Variants in PHGDH observed in about 807,000 individuals in gnomAD.
PHGDH encodes the protein D-3-phosphoglycerate dehydrogenase.
PHGDH carries 50 observed loss-of-function variants against 52.6 expected under a neutral mutation model. The ratio of observed to expected loss-of-function variants is 0.95; its 90% CI spans 0.76 to 1.20. The LOEUF is 1.20. PHGDH is among the 50% of genes most tolerant of loss of function. The probability of loss-of-function intolerance (pLI) is 0.00; values close to 1 mark genes in which losing one functional copy is unlikely to be tolerated. For synonymous variants in PHGDH, 271 were observed against 280.5 expected, an observed-to-expected ratio of 0.97 and a Z score of 0.34; for missense variants, 630 against 684.6, an observed-to-expected ratio of 0.92 and a Z score of 0.89.
At chr1:119,725,562 C>G (rs1019287155) in intron 3 of PHGDH, among the ~76,000 whole-genome samples, 1 of 152,200 alleles carries the variant, frequency 6.6e-6, no homozygotes, top group Non-Finnish European at 1.5e-5. Flanking sequence ...CCCCATGTGG[C>G]TTGGTACTGA....
intron 5 of PHGDH, chr1:119,729,866 T>C (rs1271704061): frequency 6.6e-6 from 1 of 152,186 alleles, no homozygotes; most frequent in Admixed American, 6.5e-5. Flanking sequence ...GTGTGGAGGG[T>C]GCCAGTGCCT....
intron 3 of PHGDH, 110 bp downstream of exon 3, chr1:119,723,551 G>T: frequency 1.2e-6 from 1 of 855,832 alleles, no homozygotes; most frequent in Non-Finnish European, 2.0e-6. Flanking sequence ...TCAGCGACTT[G>T]CAGACTGCTA....
At chr1:119,719,881 A>T (rs1462895123) in intron 1 of PHGDH, 1 of 152,252 alleles carries the variant, frequency 6.6e-6, no homozygotes, top group Non-Finnish European at 1.5e-5. Context: ...GGGAAAATGG[A>T]TCTGAGGAGC....
At position 119,712,186 on chromosome 1, in the gene PHGDH, G is replaced by A. The variant is rs374927702; in HGVS notation, c.138+26G>A. 1.6e-5 allele frequency: 26 copies of A among 1,608,248 alleles called. 1 individual carries two copies. The South Asian group carries it at 2.6e-4, about 16-fold the overall frequency. ...GTAAGGCGAGAGAGAGAAAATTGAGGTCTCTAGGGCAACCTCCATGGAAAA... is the reference window on the plus strand; with the variant it reads ...GTAAGGCGAGAGAGAGAAAATTGAGATCTCTAGGGCAACCTCCATGGAAAA... On this transcript the variant is annotated intron_variant, in intron 1 of 11. Coordinates refer to ENST00000641023, the MANE Select transcript of PHGDH (RefSeq NM_006623.4).
intron 8 of PHGDH, among the ~76,000 whole-genome samples, chr1:119,738,752 G>C (rs689198): frequency 1.1e-3 from 170 of 149,892 alleles, no homozygotes; most frequent in Non-Finnish European, 1.9e-3. Flanking sequence ...AGGGACTCCT[G>C]AATATAAGCT....
chr1:119,712,300 A>C, intron 1 of PHGDH, 140 bp downstream of exon 1: 15 of 672,472 alleles, frequency 2.2e-5, no homozygotes, highest in East Asian at 1.0e-4. Flanking sequence ...GGGGTAGAGA[A>C]GAACGGGGGC....
chr1:119,736,462 G>A (rs930665795), intron 7 of PHGDH, among the ~76,000 whole-genome samples: 1 of 152,212 alleles, frequency 6.6e-6, no homozygotes, highest in African/African-American at 2.4e-5. Context: ...GACCAACAGA[G>A]CCCTGAGGAG....
chr1:119,726,694 T>C (rs1651435665), intron 3 of PHGDH, 157 bp from the exon 4 acceptor site: 3 of 703,772 alleles, frequency 4.3e-6, no homozygotes, highest in Non-Finnish European at 7.9e-6. Flanking sequence ...CTGTTTTCCC[T>C]TTATCCCCCA....
rs1199879519 is a variant in PHGDH at position 119,726,789 on chromosome 1, A to G, written c.357-62A>G. The stretch of plus-strand genomic sequence containing the variant: ...AGTGACTGTGCAAACCTGATGTTGC[A>G]TCTCCTTCCTGGGCTGGCGGGAGTC... On this transcript the variant is annotated intron_variant, in intron 3 of 11. Transcript: ENST00000641023. 5.1e-6 allele frequency: 7 copies of G among 1,370,840 alleles called. No individual in the cohort carries two copies. In the African/African-American group the frequency reaches 5.7e-5, roughly 11 times the overall value. 84.9% of individuals were successfully genotyped at this position (1,370,840 alleles called of 1,614,324 possible). A position where few individuals can be genotyped will look rare whatever the true frequency, so the allele number is the denominator to read the frequency against.
chr1:119,720,866 G>A (rs1222694679), intron 1 of PHGDH: 3 of 414,426 alleles, frequency 7.2e-6, no homozygotes, highest in Admixed American at 7.1e-5. Flanking sequence ...TCATGGTGCT[G>A]TCTAGAGAGA....
At chr1:119,739,214 C>T (rs1652078761) in intron 8 of PHGDH, among the ~76,000 whole-genome samples, 1 of 152,174 alleles carries the variant, frequency 6.6e-6, no homozygotes, top group African/African-American at 2.4e-5. Flanking sequence ...ATGGACACCT[C>T]CCCGGGCTTG....
At position 119,731,464 on chromosome 1, in the gene PHGDH, C is replaced by T. The variant is rs186499267; in HGVS notation, c.511-3170C>T. ...TCCTTGAGGGAACAGACAAGCATCT[C>T]TTAACAGTTTCTTTGTAGCCAGCGT... is the stretch of plus-strand genomic sequence containing the variant. On this transcript the variant is annotated intron_variant, in intron 5 of 11. Transcript: ENST00000641023. Among the ~76,000 whole-genome samples the T allele has an allele frequency of 1.9e-3, 296 of 152,310 alleles. 1 individual carries two copies. Among genetic ancestry groups the T allele is most frequent in the Non-Finnish European group, 2.7e-3 (185 of 68,022 alleles).
chr1:119,734,525 CATGGTAGTTAGTAT>C lies in PHGDH; in HGVS notation c.511-102_511-89del. The C allele has an allele frequency of 4.0e-6, 4 of 999,000 alleles. No individual in the cohort carries two copies. In the South Asian group the frequency reaches 5.1e-5, roughly 13 times the overall value. The allele number at this position is 999,000 out of a possible 1,614,324, so 61.9% of individuals were successfully genotyped here. ...TAACTGGAGAATTAATTAAGCTGAG[CATGGTAGTTAGTAT>C]ATGGTAAATGCTCAAAAAATGTTTG... On this transcript the variant is annotated intron_variant, in intron 5 of 11. Transcript: ENST00000641023.
chr1:119,718,327 G>A (rs1651016900), intron 1 of PHGDH, among the ~76,000 whole-genome samples: 1 of 152,218 alleles, frequency 6.6e-6, no homozygotes, highest in Non-Finnish European at 1.5e-5. Context: ...TTGCTTGTCT[G>A]TACTATAGGG....
At position 119,737,192 on chromosome 1, in the gene PHGDH, G is replaced by T. The variant is rs1226475087; in HGVS notation, c.871G>T (p.Ala291Ser). 1 of 1,614,106 alleles carries T rather than the reference G, an allele frequency of 6.2e-7. No individual in the cohort carries two copies. The highest frequency in any genetic ancestry group is 1.7e-5 in the Admixed American group (1 of 60,032). The stretch of plus-strand genomic sequence containing the variant: ...CCACCTGGGTGCCAGCACCAAGGAG[G>T]CTCAGAGCCGCTGTGGGGAGGAAAT... ...CPHLGASTKE[A>S]QSRCGEEIAV... The change falls in exon 8 of 12, where the codon GCT becomes TCT. Residue 291 changes from alanine (A) to serine (S), a missense_variant. Coordinates refer to ENST00000641023, the MANE Select transcript of PHGDH (RefSeq NM_006623.4).
intron 11 of PHGDH, 30 bp downstream of exon 11, chr1:119,743,074 G>A (rs1363925848): frequency 1.5e-5 from 22 of 1,433,014 alleles, no homozygotes; most frequent in Non-Finnish European, 2.2e-5. Flanking sequence ...GCTGGCTGGT[G>A]TCCTTGAGGC....
intron 1 of PHGDH, among the ~76,000 whole-genome samples, chr1:119,713,753 C>T (rs1650804733): frequency 6.6e-6 from 1 of 152,102 alleles, no homozygotes; most frequent in Non-Finnish European, 1.5e-5. Flanking sequence ...TGCAGAACAG[C>T]CTCTGACTCT....
intron 2 of PHGDH, among the ~76,000 whole-genome samples, chr1:119,722,614 GC>G (rs1651220558): frequency 6.6e-6 from 1 of 151,862 alleles, no homozygotes; most frequent in African/African-American, 2.4e-5. Context: ...GCGTGTGGGG[GC>G]TCACACCTGT....
chr1:119,725,472 A>G (rs1651364720), intron 3 of PHGDH, among the ~76,000 whole-genome samples: 2 of 152,226 alleles, frequency 1.3e-5, no homozygotes, highest in African/African-American at 2.4e-5. Context: ...TTTCCCAAGA[A>G]GTGAACAGTT....
Sources: allele counts gnomAD v4.1 joint callset (sites outside exome capture counted in the v4.1 genomes callset), GRCh38; gene constraint gnomAD v4.1.1; transcripts MANE v1.5; gene names NCBI Gene and HGNC (gene_info 2026-07-23, HGNC 2026-07-21).